The following PDZRN4 variants were observed in gnomAD, a reference collection of about 807,000 sequenced individuals.
PDZRN4 encodes the protein PDZ domain-containing RING finger protein 4.
Under a neutral mutation model 99.0 loss-of-function variants are expected in PDZRN4, and 70 were observed. The observed-to-expected ratio is 0.71, with a 90% CI of 0.58 to 0.86. The LOEUF is 0.86. Ranked by LOEUF, PDZRN4 falls within the 40% of genes least tolerant of loss-of-function variation. The pLI, the probability that PDZRN4 is intolerant of heterozygous loss-of-function variation, is 0.00. For missense variants in PDZRN4, 1,474 were observed against 1,331.2 expected, an observed-to-expected ratio of 1.11 and a Z score of -1.67; for synonymous variants, 551 against 501.6, an observed-to-expected ratio of 1.10 and a Z score of -1.32.
intron 3 of PDZRN4, among the ~76,000 whole-genome samples, chr12:41,416,980 T>C (rs1056156931): frequency 1.3e-5 from 2 of 152,198 alleles, no homozygotes; most frequent in African/African-American, 4.8e-5. Flanking sequence ...AATAGGTTCT[T>C]AAAGAAACTG....
Position 41,555,241 on chromosome 12 carries a change from A to AAGAAAGAAAAG in PDZRN4, c.1303-456_1303-455insGAAAGAAAAGA, listed in dbSNP as rs1555152869. On this transcript the variant is annotated intron_variant, in intron 6 of 9. Coordinates refer to ENST00000402685, the MANE Select transcript of PDZRN4 (RefSeq NM_001164595.2). ...GCCAGACTCTGTCTCAAAAAAAAAA[A>AAGAAAGAAAAG]AAAAAAAAGAAAAAAAAAAGGACGG... Among the ~76,000 whole-genome samples, 5 of 119,978 alleles carry AAGAAAGAAAAG rather than the reference A, an allele frequency of 4.2e-5. No homozygotes were observed. The East Asian group carries it at 7.2e-4, about 17-fold the overall frequency. The allele number at this position is 119,978 out of a possible 152,430, so 78.7% of individuals were successfully genotyped here.
intron 3 of PDZRN4, among the ~76,000 whole-genome samples, chr12:41,468,893 C>T (rs1952957526): frequency 6.6e-6 from 1 of 152,018 alleles, no homozygotes; most frequent in African/African-American, 2.4e-5. Context: ...CCTGTAGTCC[C>T]AGCTCCTCAG....
intron 3 of PDZRN4, among the ~76,000 whole-genome samples, chr12:41,380,054 A>G (rs1952112613): frequency 6.6e-6 from 1 of 151,962 alleles, no homozygotes; most frequent in African/African-American, 2.4e-5. Flanking sequence ...TTCAATTGTT[A>G]TATCTTTTTG....
chr12:41,556,372 C>T (rs551525066), intron 7 of PDZRN4, among the ~76,000 whole-genome samples: 1 of 152,178 alleles, frequency 6.6e-6, no homozygotes, highest in East Asian at 1.9e-4. Context: ...CTTACACAGA[C>T]CTAGATGGTA....
At chr12:41,511,236 T>C (rs1480133697) in intron 5 of PDZRN4, among the ~76,000 whole-genome samples, 1 of 152,004 alleles carries the variant, frequency 6.6e-6, no homozygotes, top group Non-Finnish European at 1.5e-5. Context: ...GGGAAGATTG[T>C]TTAGGCTAAG....
At chr12:41,247,949 T>C (rs1951143964) in intron 3 of PDZRN4, among the ~76,000 whole-genome samples, 1 of 132,452 alleles carries the variant, frequency 7.5e-6, no homozygotes, top group African/African-American at 2.6e-5. Flanking sequence ...CATTAATCCA[T>C]GTGCTGAAGG....
chr12:41,239,570 T>G (rs1367311057), intron 3 of PDZRN4, among the ~76,000 whole-genome samples: 1 of 152,196 alleles, frequency 6.6e-6, no homozygotes, highest in Non-Finnish European at 1.5e-5. Context: ...CATGCTTTAC[T>G]GTGTTCAATT....
chr12:41,491,970 GTTTC>G (rs1443884710), intron 3 of PDZRN4, among the ~76,000 whole-genome samples: 1 of 151,982 alleles, frequency 6.6e-6, no homozygotes, highest in Non-Finnish European at 1.5e-5. Flanking sequence ...ATTTATACTT[GTTTC>G]TTTCATACAT....
At chr12:41,289,019 A>G (rs1317927347) in intron 3 of PDZRN4, among the ~76,000 whole-genome samples, 2 of 152,028 alleles carry the variant, frequency 1.3e-5, no homozygotes, top group East Asian at 3.8e-4. Context: ...AAATTATCAG[A>G]AATACTAGAT....
At chr12:41,391,326 C>A (rs1431284950) in intron 3 of PDZRN4, among the ~76,000 whole-genome samples, 3 of 152,088 alleles carry the variant, frequency 2.0e-5, no homozygotes, top group Admixed American at 1.3e-4. Context: ...CTGTCATAAG[C>A]AATTTTCAAA....
At chr12:41,201,791 A>T (rs1203699769) in intron 3 of PDZRN4, among the ~76,000 whole-genome samples, 1 of 152,160 alleles carries the variant, frequency 6.6e-6, no homozygotes, top group Non-Finnish European at 1.5e-5. Flanking sequence ...AGATCTCGAA[A>T]ATCTAGCCAC....
At chr12:41,459,109 G>A (rs1046203904) in intron 3 of PDZRN4, among the ~76,000 whole-genome samples, 4 of 152,168 alleles carry the variant, frequency 2.6e-5, no homozygotes, top group African/African-American at 9.7e-5. Context: ...AATACCGGCA[G>A]CTTTATCCTA....
intron 3 of PDZRN4, among the ~76,000 whole-genome samples, chr12:41,242,268 T>C (rs1386585016): frequency 6.6e-6 from 1 of 152,230 alleles, no homozygotes. Context: ...CTTTCTAGTC[T>C]GTTTTCCAAA....
intron 3 of PDZRN4, among the ~76,000 whole-genome samples, chr12:41,338,785 C>A (rs916787407): frequency 3.3e-5 from 5 of 151,802 alleles, no homozygotes; most frequent in Non-Finnish European, 5.9e-5. Flanking sequence ...CAACCGATCA[C>A]AAGTGAGAAA....
intron 5 of PDZRN4, among the ~76,000 whole-genome samples, chr12:41,511,644 T>A (rs549365081): frequency 6.6e-6 from 1 of 152,228 alleles, no homozygotes; most frequent in Non-Finnish European, 1.5e-5. Flanking sequence ...AGTGGAGGCA[T>A]GGGAGAATAC....
intron 3 of PDZRN4, among the ~76,000 whole-genome samples, chr12:41,214,249 A>T (rs1950905721): frequency 2.0e-5 from 2 of 98,814 alleles, no homozygotes; most frequent in South Asian, 6.9e-4. Flanking sequence ...GAGACCCTGT[A>T]TTTAAAAAAA....
At chr12:41,568,311 A>G (rs1939414828) in intron 9 of PDZRN4, among the ~76,000 whole-genome samples, 1 of 152,182 alleles carries the variant, frequency 6.6e-6, no homozygotes, top group Non-Finnish European at 1.5e-5. Context: ...GGCTATCACT[A>G]TAGGATGAAG....
intron 3 of PDZRN4, among the ~76,000 whole-genome samples, chr12:41,435,826 A>T (rs1031486776): frequency 1.3e-5 from 2 of 152,180 alleles, no homozygotes; most frequent in African/African-American, 4.8e-5. Context: ...ACAGAGTATG[A>T]ACATCTGAGA....
At chr12:41,495,919 C>T (rs1490757065) in intron 3 of PDZRN4, among the ~76,000 whole-genome samples, 2 of 152,108 alleles carry the variant, frequency 1.3e-5, no homozygotes, top group Non-Finnish European at 2.9e-5. Flanking sequence ...CCTGGAGTCA[C>T]ATCACAATAG....
Sources: gnomAD v4.1 joint callset for allele counts (sites outside exome capture counted in the v4.1 genomes callset) on GRCh38, gnomAD v4.1.1 for gene constraint, MANE v1.5 for transcripts, NCBI Gene and HGNC (gene_info 2026-07-23, HGNC 2026-07-21) for gene names.